TMEM132D: variants seen among roughly 807,000 people sequenced by gnomAD.
TMEM132D encodes the protein mature OL transmembrane protein.
TMEM132D carries 21 observed loss-of-function variants against 62.3 expected under a neutral mutation model. The ratio of observed to expected loss-of-function variants is 0.34; its 90% CI spans 0.24 to 0.49. The LOEUF (loss-of-function observed/expected upper bound fraction) is 0.49, where lower values mean the gene tolerates loss of function less well. Among genes scored for constraint, TMEM132D ranks in the 20% least tolerant of loss-of-function variants. The pLI is 0.99. For synonymous variants in TMEM132D, 621 were observed against 575.6 expected, an observed-to-expected ratio of 1.08 and a Z score of -1.13; for missense variants, 1,346 against 1,402.8, an observed-to-expected ratio of 0.96 and a Z score of 0.65.
At chr12:129,296,083 C>CATAT (rs1491317059) in intron 4 of TMEM132D, among the ~76,000 whole-genome samples, 2 of 140,122 alleles carry the variant, frequency 1.4e-5, no homozygotes, top group African/African-American at 5.5e-5. Context: ...CACACACACA[C>CATAT]ACATATATAT....
intron 3 of TMEM132D, among the ~76,000 whole-genome samples, chr12:129,524,271 A>G (rs1445361174): frequency 6.6e-6 from 1 of 152,168 alleles, no homozygotes; most frequent in East Asian, 1.9e-4. Flanking sequence ...AAAAAAAGAA[A>G]GAAACAGCCA....
chr12:129,816,155 TAGTTCC>T (rs757773326), intron 1 of TMEM132D, among the ~76,000 whole-genome samples: 67 of 152,210 alleles, frequency 4.4e-4, no homozygotes, highest in Non-Finnish European at 8.5e-4. Context: ...AAAATTTTCC[TAGTTCC>T]AGTTCAACAC....
At chr12:129,493,570 T>C (rs1215055865) in intron 3 of TMEM132D, among the ~76,000 whole-genome samples, 1 of 152,234 alleles carries the variant, frequency 6.6e-6, no homozygotes, top group East Asian at 1.9e-4. Flanking sequence ...TAAATATGCA[T>C]TATAATAATA....
intron 4 of TMEM132D, among the ~76,000 whole-genome samples, chr12:129,225,219 G>A (rs967245990): frequency 6.6e-6 from 1 of 152,226 alleles, no homozygotes; most frequent in African/African-American, 2.4e-5. Context: ...TTATTGCCAT[G>A]ACTGGCGCAT....
intron 3 of TMEM132D, among the ~76,000 whole-genome samples, chr12:129,398,867 C>T (rs976229874): frequency 7.7e-6 from 1 of 130,250 alleles, no homozygotes; most frequent in Non-Finnish European, 1.5e-5. Context: ...TCCATCCATC[C>T]ATCCATCCAT....
chr12:129,543,963 C>T (rs1050333542), intron 2 of TMEM132D, among the ~76,000 whole-genome samples: 1 of 152,146 alleles, frequency 6.6e-6, no homozygotes, highest in Non-Finnish European at 1.5e-5. Context: ...CATGTCCACA[C>T]AACACTGCAC....
At chr12:129,456,078 G>C (rs755733393) in intron 3 of TMEM132D, among the ~76,000 whole-genome samples, 2 of 152,142 alleles carry the variant, frequency 1.3e-5, no homozygotes, top group Non-Finnish European at 2.9e-5. Context: ...GGGCAGGTAG[G>C]ATATTGGAGA....
At chr12:129,833,554 G>A (rs929092821) in intron 1 of TMEM132D, among the ~76,000 whole-genome samples, 2 of 152,316 alleles carry the variant, frequency 1.3e-5, no homozygotes, top group Middle Eastern at 3.4e-3. Flanking sequence ...GAGCCCAGGA[G>A]TTCGAGGCTG....
intron 5 of TMEM132D, among the ~76,000 whole-genome samples, chr12:129,151,880 C>CA (rs1555233061): frequency 3.0e-5 from 4 of 133,532 alleles, no homozygotes; most frequent in Non-Finnish European, 6.3e-5. Context: ...GTGATTCAAC[C>CA]TTTTTTTTTT....
intron 2 of TMEM132D, among the ~76,000 whole-genome samples, chr12:129,632,887 G>A (rs770744891): frequency 1.3e-5 from 2 of 152,130 alleles, no homozygotes; most frequent in Non-Finnish European, 2.9e-5. Flanking sequence ...AGCCACTTCG[G>A]TGCATTCACG....
In TMEM132D at chr12:129,385,137, C is replaced by G. The variant is rs574686395; in HGVS notation, c.1116-47320G>C. On this transcript the variant is annotated intron_variant, in intron 3 of 8. Coordinates refer to ENST00000422113, the MANE Select transcript of TMEM132D (RefSeq NM_133448.3). The stretch of plus-strand genomic sequence containing the variant: ...GAGACGTCGTTTTGCTCTTGTCACC[C>G]AGGCTGGAGTGCAGTAGTAGTGCAG... 3.6e-5 allele frequency among the ~76,000 whole-genome samples: 5 copies of G among 138,908 alleles called. No homozygotes were observed. In the East Asian group the frequency reaches 1.1e-3, roughly 29 times the overall value. The allele number at this position is 138,908 out of a possible 152,430, so 91.1% of individuals were successfully genotyped here.
chr12:129,264,627 T>C (rs780507423), intron 4 of TMEM132D, among the ~76,000 whole-genome samples: 1 of 152,180 alleles, frequency 6.6e-6, no homozygotes, highest in Non-Finnish European at 1.5e-5. Context: ...TGAATGTTTA[T>C]AGCACCATAA....
intron 5 of TMEM132D, among the ~76,000 whole-genome samples, chr12:129,125,084 T>C (rs1416998762): frequency 1.3e-5 from 2 of 152,192 alleles, no homozygotes; most frequent in Non-Finnish European, 2.9e-5. Flanking sequence ...CTTTTATTAT[T>C]GATGTTTCAT....
intron 5 of TMEM132D, among the ~76,000 whole-genome samples, chr12:129,168,306 T>C (rs1877622371): frequency 6.6e-6 from 1 of 152,116 alleles, no homozygotes; most frequent in Non-Finnish European, 1.5e-5. Context: ...ACCACACAAA[T>C]TATCCTTTAA....
rs910932419 is a variant in TMEM132D at position 129,850,376 on chromosome 12, G to A, written c.79+52885C>T. ...TGACTGGGGCCAGGCCTGCCCCCACGGAGGATGTGCACCAGGCACTTAGTT... is the reference window on the plus strand; with the variant it reads ...TGACTGGGGCCAGGCCTGCCCCCACAGAGGATGTGCACCAGGCACTTAGTT... On this transcript the variant is annotated intron_variant, in intron 1 of 8. Transcript: ENST00000422113. Among the ~76,000 whole-genome samples the A allele has an allele frequency of 3.9e-5, 6 of 152,152 alleles. No homozygotes were observed. The East Asian group carries it at 7.7e-4, about 20-fold the overall frequency.
intron 4 of TMEM132D, among the ~76,000 whole-genome samples, chr12:129,327,980 AC>A (rs1868971788): frequency 6.6e-6 from 1 of 152,050 alleles, no homozygotes; most frequent in Non-Finnish European, 1.5e-5. Context: ...GTTGCACTGG[AC>A]CTTTTTCCAC....
chr12:129,234,874 G>A (rs1362392035), intron 4 of TMEM132D, among the ~76,000 whole-genome samples: 1 of 152,170 alleles, frequency 6.6e-6, no homozygotes, highest in African/African-American at 2.4e-5. Context: ...TGTAGAAAGA[G>A]TTAGGCATCT....
At chr12:129,168,772 G>A (rs1877635127) in intron 5 of TMEM132D, among the ~76,000 whole-genome samples, 1 of 152,066 alleles carries the variant, frequency 6.6e-6, no homozygotes, top group Non-Finnish European at 1.5e-5. Context: ...TATTTTGATG[G>A]GAACCCAAAA....
intron 4 of TMEM132D, among the ~76,000 whole-genome samples, chr12:129,266,493 T>C (rs546545057): frequency 1.3e-4 from 19 of 150,578 alleles, no homozygotes; most frequent in African/African-American, 4.4e-4. Flanking sequence ...CTCTCCCCTC[T>C]TTTTTCCTTT....
Sources: gnomAD v4.1 joint callset for allele counts (sites outside exome capture counted in the v4.1 genomes callset) on GRCh38, gnomAD v4.1.1 for gene constraint, MANE v1.5 for transcripts, NCBI Gene and HGNC (gene_info 2026-07-23, HGNC 2026-07-21) for gene names.